RAPGEF2: variants seen among roughly 807,000 people sequenced by gnomAD.
RAPGEF2 encodes PDZ domain containing guanine nucleotide exchange factor (GEF) 1.
A neutral mutation model predicts 186.7 loss-of-function variants in RAPGEF2; 54 were observed. That is an observed-to-expected ratio of 0.29 (90% CI 0.23 to 0.36). The LOEUF (loss-of-function observed/expected upper bound fraction) is 0.36. Ranked by LOEUF, RAPGEF2 falls within the 10% of genes least tolerant of loss-of-function variation. The pLI is 1.00. For synonymous variants in RAPGEF2, 712 were observed against 705.9 expected (o/e 1.01, Z -0.14); for missense variants, 1,532 against 2,045.0 (o/e 0.75, Z 4.84).
intron 7 of RAPGEF2, among the ~76,000 whole-genome samples, chr4:159,263,965 G>C (rs1757161052): frequency 6.6e-6 from 1 of 152,108 alleles, no homozygotes; most frequent in Admixed American, 6.6e-5. Context: ...AGGGTAGAAA[G>C]TTCTTACATG....
At chr4:159,222,099 G>T (rs950835166) in intron 4 of RAPGEF2, among the ~76,000 whole-genome samples, 46 of 152,116 alleles carry the variant, frequency 3.0e-4, no homozygotes, top group African/African-American at 1.1e-3. Flanking sequence ...ATGATTTTTA[G>T]CATCATTTAG....
chr4:159,212,539 T>A (rs1750631938), intron 4 of RAPGEF2, among the ~76,000 whole-genome samples: 1 of 152,196 alleles, frequency 6.6e-6, no homozygotes, highest in South Asian at 2.1e-4. Context: ...ATTTAATGTC[T>A]TCCTTATTCT....
In RAPGEF2 at chr4:159,186,704, T is replaced by C. The variant is rs1747589720; in HGVS notation, c.132T>C (p.His44=). 1 of 1,452,226 alleles carries C rather than the reference T, an allele frequency of 6.9e-7. No homozygotes were observed. The allele number at this position is 1,452,226 out of a possible 1,614,324, so 90.0% of individuals were successfully genotyped here. Residue 44 remains histidine, a synonymous_variant, in exon 2 of 30, where the codon CAT becomes CAC. Coordinates refer to ENST00000691494, the MANE Select transcript of RAPGEF2 (RefSeq NM_001394067.2). ...GMEALSNLRE[H]QLRLMCETVR... ...AAGCCTTATCAAACTTGAGGGAGCATCAACTTAGGTATGTCATTTTAATAT... is the reference window on the plus strand; with the variant it reads ...AAGCCTTATCAAACTTGAGGGAGCACCAACTTAGGTATGTCATTTTAATAT...
intron 1 of RAPGEF2, among the ~76,000 whole-genome samples, chr4:159,161,948 C>A (rs1040437784): frequency 6.6e-6 from 1 of 152,140 alleles, no homozygotes; most frequent in African/African-American, 2.4e-5. Flanking sequence ...CTATTCTAAA[C>A]TTTTATAGTC....
At chr4:159,349,978 T>C (rs773965492) in intron 25 of RAPGEF2, among the ~76,000 whole-genome samples, 159 bp from the exon 26 acceptor site, 2 of 152,216 alleles carry the variant, frequency 1.3e-5, no homozygotes, top group African/African-American at 2.4e-5. Flanking sequence ...GCACTTACTG[T>C]GTGGACCTTG....
At chr4:159,165,046 A>G (rs1487106835) in intron 1 of RAPGEF2, among the ~76,000 whole-genome samples, 4 of 152,190 alleles carry the variant, frequency 2.6e-5, no homozygotes, top group East Asian at 3.9e-4. Context: ...AGAGCCTTCT[A>G]TGTTTCTTAA....
At chr4:159,296,148 T>C (rs905357496) in intron 7 of RAPGEF2, among the ~76,000 whole-genome samples, 11 of 152,190 alleles carry the variant, frequency 7.2e-5, no homozygotes, top group Non-Finnish European at 1.5e-4. Flanking sequence ...TAAATGATGG[T>C]TGTTGTAAAG....
intron 8 of RAPGEF2, among the ~76,000 whole-genome samples, chr4:159,313,158 A>C (rs998915680): frequency 6.7e-6 from 1 of 149,704 alleles, no homozygotes; most frequent in Non-Finnish European, 1.5e-5. Flanking sequence ...AAAAAAAACA[A>C]AAAGAAAGAA....
intron 1 of RAPGEF2, among the ~76,000 whole-genome samples, chr4:159,142,549 G>A (rs1346214059): frequency 6.7e-6 from 1 of 149,022 alleles, no homozygotes; most frequent in East Asian, 2.0e-4. Context: ...TCAAAAATTG[G>A]GTATGAATGG....
chr4:159,163,251 A>G (rs7681750), intron 1 of RAPGEF2, among the ~76,000 whole-genome samples: 28,314 of 152,092 alleles, frequency 0.19, 2,649 homozygotes, highest in Admixed American at 0.24. Context: ...GATTTGTAAA[A>G]TGTGGCAATT....
At chr4:159,139,889 T>C (rs1180447240) in intron 1 of RAPGEF2, among the ~76,000 whole-genome samples, 2 of 152,154 alleles carry the variant, frequency 1.3e-5, no homozygotes, top group Non-Finnish European at 2.9e-5. Context: ...GGTGGAGTCA[T>C]GGAACAGGAA....
chr4:159,315,723 A>T (rs555268538), intron 9 of RAPGEF2, among the ~76,000 whole-genome samples: 1 of 152,316 alleles, frequency 6.6e-6, no homozygotes, highest in Non-Finnish European at 1.5e-5. Context: ...CGAGGCAGAG[A>T]GAGAGAGGAG....
At chr4:159,326,739 A>G (rs879413674) in intron 11 of RAPGEF2, 1 of 152,138 alleles carries the variant, frequency 6.6e-6, no homozygotes, top group Non-Finnish European at 1.5e-5. Flanking sequence ...CATTACCCAC[A>G]TGTACCTCTT....
intron 8 of RAPGEF2, among the ~76,000 whole-genome samples, chr4:159,304,881 A>G (rs886141129): frequency 2.6e-5 from 4 of 151,840 alleles, no homozygotes; most frequent in Non-Finnish European, 5.9e-5. Context: ...ATCATTCCAC[A>G]CTCTGCATCC....
rs1257956890 is a variant in RAPGEF2, at chr4:159,253,053, A to G, written c.543+9262A>G. Among the ~76,000 whole-genome samples the G allele has an allele frequency of 2.0e-5, 3 of 152,254 alleles. No individual in the cohort carries two copies. In the East Asian group the frequency reaches 5.8e-4, roughly 29 times the overall value. ...TAGACAGTTGGGTTCTCACATCTGT[A>G]TTCAATCTGTTGTGATATGCTGTTC... On this transcript the variant is annotated intron_variant, in intron 7 of 29. Transcript: ENST00000691494.
chr4:159,115,049 A>G (rs974166241), intron 1 of RAPGEF2, among the ~76,000 whole-genome samples: 1 of 152,150 alleles, frequency 6.6e-6, no homozygotes, highest in Non-Finnish European at 1.5e-5. Context: ...ATCTCTACAC[A>G]TTTTCCCCCT....
chr4:159,212,611 T>C (rs147323646), intron 4 of RAPGEF2, among the ~76,000 whole-genome samples: 4 of 152,332 alleles, frequency 2.6e-5, no homozygotes, highest in African/African-American at 9.6e-5. Context: ...ATTTACTCTT[T>C]ATAACTTTTA....
In RAPGEF2 at chr4:159,222,505, C is replaced by T. The variant is rs112723660; in HGVS notation, c.281+11922C>T. Among the ~76,000 whole-genome samples, 453 of 152,248 alleles carry T rather than the reference C, an allele frequency of 3.0e-3. 2 individuals carry two copies. The highest frequency in any genetic ancestry group is 9.9e-3 in the African/African-American group (409 of 41,522). ...ATTTCTCTTGAAGAAATAAATAATGCTATATTTCATAAAGATTTTAGAGTC... is the reference window on the plus strand; with the variant it reads ...ATTTCTCTTGAAGAAATAAATAATGTTATATTTCATAAAGATTTTAGAGTC... On this transcript the variant is annotated intron_variant, in intron 4 of 29. Transcript: ENST00000691494.
chr4:159,155,827 C>T (rs1744054088), intron 1 of RAPGEF2, among the ~76,000 whole-genome samples: 1 of 151,170 alleles, frequency 6.6e-6, no homozygotes, highest in African/African-American at 2.4e-5. Context: ...AAAATTTCCT[C>T]TCGGTACTAT....
Sources: allele counts gnomAD v4.1 joint callset (sites outside exome capture counted in the v4.1 genomes callset), GRCh38; gene constraint gnomAD v4.1.1; transcripts MANE v1.5; gene names NCBI Gene and HGNC (gene_info 2026-07-23, HGNC 2026-07-21).